The following PPP2R2B variants were observed in gnomAD, a reference collection of about 807,000 sequenced individuals.
PPP2R2B encodes the protein serine/threonine-protein phosphatase 2A 55 kDa regulatory subunit B beta isoform.
A neutral mutation model predicts 46.0 loss-of-function variants in PPP2R2B; 5 were observed. That is an observed-to-expected ratio of 0.11 (90% CI 0.06 to 0.23). The LOEUF (loss-of-function observed/expected upper bound fraction) is 0.23. Among genes scored for constraint, PPP2R2B ranks in the 10% least tolerant of loss-of-function variants. The pLI is 1.00. For missense variants in PPP2R2B, 367 were observed against 575.0 expected, an observed-to-expected ratio of 0.64 and a Z score of 3.70; for synonymous variants, 215 against 206.7, an observed-to-expected ratio of 1.04 and a Z score of -0.34.
At chr5:146,779,214 G>A (rs1429046251) in intron 2 of PPP2R2B, among the ~76,000 whole-genome samples, 1 of 152,202 alleles carries the variant, frequency 6.6e-6, no homozygotes, top group East Asian at 1.9e-4. Flanking sequence ...TGACACTTGA[G>A]TCTCTTCACT....
chr5:146,994,850 T>C (rs1043872988), intron 1 of PPP2R2B, among the ~76,000 whole-genome samples: 2 of 152,222 alleles, frequency 1.3e-5, no homozygotes, highest in Non-Finnish European at 2.9e-5. Context: ...CAGACATAGT[T>C]CTTGCTCTTA....
intron 2 of PPP2R2B, among the ~76,000 whole-genome samples, chr5:146,705,591 C>A (rs1049773858): frequency 3.3e-5 from 5 of 152,260 alleles, no homozygotes; most frequent in Admixed American, 2.6e-4. Context: ...TTCCTCCCAT[C>A]CATATAAAAC....
chr5:146,830,639 A>T lies in PPP2R2B; in HGVS notation c.70+47363T>A, dbSNP rs548598448. Among the ~76,000 whole-genome samples, 18 of 151,824 alleles carry T rather than the reference A, an allele frequency of 1.2e-4. No individual in the cohort carries two copies. In the East Asian group the frequency reaches 3.5e-3, roughly 29 times the overall value. ...TCCCGGGTTCAAACATTCTTGGCTA[A>T]TTTTTGTATTTTTAGTACAGATGGG... On this transcript the variant is annotated intron_variant, in intron 2 of 9. Coordinates refer to ENST00000394411, the MANE Select transcript of PPP2R2B (RefSeq NM_181675.4).
rs528956250 is a variant in PPP2R2B, at chr5:146,998,056, G to A, written c.79+57609C>T. Among the ~76,000 whole-genome samples the A allele has an allele frequency of 8.5e-5, 13 of 152,332 alleles. 1 individual carries two copies. Among genetic ancestry groups the A allele is most frequent in the Middle Eastern group, 3.4e-3 (1 of 294 alleles). On this transcript the variant is annotated intron_variant, in intron 1 of 8. Transcript: ENST00000336640. The stretch of plus-strand genomic sequence containing the variant: ...CCACTCCTTCTCACAAGTGTGCAGA[G>A]GGCTCCAGGCAAGGCTCATTATAGC...
At chr5:146,692,130 A>G (rs980233013) in intron 4 of PPP2R2B, among the ~76,000 whole-genome samples, 10 of 152,242 alleles carry the variant, frequency 6.6e-5, no homozygotes, top group African/African-American at 2.4e-4. Flanking sequence ...CTGTACCACC[A>G]GCACCCAGAA....
chr5:146,664,996 C>A (rs1776893433), intron 5 of PPP2R2B, among the ~76,000 whole-genome samples: 1 of 76,640 alleles, frequency 1.3e-5, no homozygotes, highest in African/African-American at 5.4e-5. Context: ...GTAAACCATG[C>A]TGTAAACAGA....
At chr5:147,021,045 C>CT (rs1755238138) in intron 1 of PPP2R2B, among the ~76,000 whole-genome samples, 1 of 152,098 alleles carries the variant, frequency 6.6e-6, no homozygotes, top group African/African-American at 2.4e-5. Context: ...TGAAACAATA[C>CT]TTTTTTGACT....
At chr5:147,000,569 T>C (rs1349264176) in intron 1 of PPP2R2B, among the ~76,000 whole-genome samples, 2 of 151,998 alleles carry the variant, frequency 1.3e-5, no homozygotes, top group East Asian at 3.9e-4. Context: ...CTAGATCCCT[T>C]GCATGCACAG....
intron 1 of PPP2R2B, among the ~76,000 whole-genome samples, chr5:147,037,328 A>G (rs1405191710): frequency 1.3e-5 from 2 of 152,080 alleles, no homozygotes; most frequent in African/African-American, 4.8e-5. Flanking sequence ...AAACATAGCT[A>G]CATGTGAGTA....
chr5:146,740,908 G>T (rs75136342), intron 2 of PPP2R2B, among the ~76,000 whole-genome samples: 1 of 152,036 alleles, frequency 6.6e-6, no homozygotes, highest in East Asian at 1.9e-4. Context: ...CATTAAAAAT[G>T]CAGATTCCAT....
intron 2 of PPP2R2B, among the ~76,000 whole-genome samples, chr5:147,074,963 A>G (rs887204196): frequency 6.6e-6 from 1 of 152,174 alleles, no homozygotes. Context: ...GAAGTGACCT[A>G]TGTTGACAGA....
At chr5:146,771,823 G>A (rs939614031) in intron 2 of PPP2R2B, among the ~76,000 whole-genome samples, 29 of 152,146 alleles carry the variant, frequency 1.9e-4, no homozygotes, top group African/African-American at 6.5e-4. Flanking sequence ...ATGCAATGTG[G>A]GTGGGGATGA....
intron 5 of PPP2R2B, among the ~76,000 whole-genome samples, chr5:146,667,033 G>C (rs1200533296): frequency 1.3e-5 from 2 of 152,088 alleles, no homozygotes; most frequent in Non-Finnish European, 2.9e-5. Flanking sequence ...TGTGGGAGAT[G>C]GTGGTAGGAA....
At chr5:146,925,543 T>C (rs1190025182) in intron 1 of PPP2R2B, among the ~76,000 whole-genome samples, 2 of 152,216 alleles carry the variant, frequency 1.3e-5, no homozygotes, top group Admixed American at 6.5e-5. Flanking sequence ...GTGCGTGCTA[T>C]TCTTCTTGCT....
At position 146,586,862 on chromosome 5, in the gene PPP2R2B, T is replaced by A. The variant is rs1770188950; in HGVS notation, c.*3085A>T. The A allele has an allele frequency of 6.6e-6, 1 of 152,346 alleles. No homozygotes were observed. Among genetic ancestry groups the A allele is most frequent in the East Asian group, 1.9e-4 (1 of 5,188 alleles). 9.4% of individuals were successfully genotyped at this position (152,346 alleles called of 1,614,324 possible). ...TTCCTTTTTTGTTTTTTCTAACTAATCTTCCTCCTCCTGACAGAAGAGTAC... is the reference window on the plus strand; with the variant it reads ...TTCCTTTTTTGTTTTTTCTAACTAAACTTCCTCCTCCTGACAGAAGAGTAC... On this transcript the variant is annotated 3_prime_UTR_variant, in exon 10 of 10. Coordinates refer to ENST00000394411, the MANE Select transcript of PPP2R2B (RefSeq NM_181675.4).
chr5:147,007,099 G>C (rs1466573704), intron 1 of PPP2R2B, among the ~76,000 whole-genome samples: 1 of 152,116 alleles, frequency 6.6e-6, no homozygotes, highest in African/African-American at 2.4e-5. Flanking sequence ...GGAACCCCAA[G>C]TGAGCTCAAC....
chr5:146,592,325 G>T, intron 9 of PPP2R2B: 1 of 216,634 alleles, frequency 4.6e-6, no homozygotes, highest in South Asian at 5.8e-5. Flanking sequence ...GAATTTCTAT[G>T]CTTTCAAACA....
At chr5:146,768,668 T>C (rs190969278) in intron 2 of PPP2R2B, among the ~76,000 whole-genome samples, 2 of 152,334 alleles carry the variant, frequency 1.3e-5, no homozygotes, top group Admixed American at 1.3e-4. Context: ...CCATACCATC[T>C]GACGCTGGGC....
chr5:146,892,477 C>T (rs1415513507), intron 1 of PPP2R2B, among the ~76,000 whole-genome samples: 3 of 152,196 alleles, frequency 2.0e-5, no homozygotes, highest in Non-Finnish European at 2.9e-5. Context: ...ACGTGAGCAC[C>T]TCTCTGTCCC....
Sources: allele counts gnomAD v4.1 joint callset (sites outside exome capture counted in the v4.1 genomes callset), GRCh38; gene constraint gnomAD v4.1.1; transcripts MANE v1.5; gene names NCBI Gene and HGNC (gene_info 2026-07-23, HGNC 2026-07-21).